The following RNF175 variants were observed in gnomAD, a reference collection of about 807,000 sequenced individuals.
The protein encoded by RNF175 is ring finger protein 175.
A neutral mutation model predicts 50.0 loss-of-function variants in RNF175; 38 were observed. The ratio of observed to expected loss-of-function variants is 0.76; its 90% confidence interval spans 0.59 to 1.00. RNF175 has a LOEUF of 1.00. Among genes scored for constraint, RNF175 ranks in the 50% least tolerant of loss-of-function variants. The pLI, the probability that RNF175 is intolerant of heterozygous loss-of-function variation, is 0.00. For missense variants in RNF175, 388 were observed against 409.6 expected (o/e 0.95, Z 0.46); for synonymous variants, 155 against 146.1 (o/e 1.06, Z -0.44).
intron 3 of RNF175, among the ~76,000 whole-genome samples, chr4:153,736,729 G>T (rs1182954875): frequency 6.6e-6 from 1 of 152,118 alleles, no homozygotes; most frequent in Non-Finnish European, 1.5e-5. Flanking sequence ...CTCCTTGTGC[G>T]AGTTTTGGTA....
chr4:153,743,868 C>T (rs1739820685), intron 3 of RNF175, among the ~76,000 whole-genome samples: 1 of 152,156 alleles, frequency 6.6e-6, no homozygotes, highest in Non-Finnish European at 1.5e-5. Flanking sequence ...CTCCAGCTAA[C>T]TAACAGAGGT....
chr4:153,731,103 A>G (rs1367885251), intron 3 of RNF175, among the ~76,000 whole-genome samples: 1 of 152,262 alleles, frequency 6.6e-6, no homozygotes, highest in East Asian at 1.9e-4. Flanking sequence ...TTTTCTCAAT[A>G]TATGAAGGGA....
intron 2 of RNF175, 44 bp from the exon 3 acceptor site, chr4:153,748,830 T>G: frequency 2.6e-6 from 4 of 1,524,454 alleles, no homozygotes; most frequent in Non-Finnish European, 3.5e-6. Context: ...CCCTCAACCT[T>G]GCGCATTTAG....
At chr4:153,754,660 G>A (rs965326295) in intron 1 of RNF175, among the ~76,000 whole-genome samples, 4 of 152,200 alleles carry the variant, frequency 2.6e-5, no homozygotes, top group African/African-American at 9.7e-5. Context: ...ATCTGGATTT[G>A]GGGCAGGTCC....
At chr4:153,754,169 C>CAAA (rs200643804) in intron 1 of RNF175, among the ~76,000 whole-genome samples, 4 of 80,046 alleles carry the variant, frequency 5.0e-5, no homozygotes, top group Non-Finnish European at 8.6e-5. Flanking sequence ...GACTCCGTCT[C>CAAA]AAAAAAAAAA....
At chr4:153,717,208 T>C (rs1737989477) in intron 6 of RNF175, among the ~76,000 whole-genome samples, 1 of 152,238 alleles carries the variant, frequency 6.6e-6, no homozygotes, top group Non-Finnish European at 1.5e-5. Context: ...GCTTTGGCCA[T>C]TGGGAGCTCT....
intron 2 of RNF175, among the ~76,000 whole-genome samples, chr4:153,751,087 G>A (rs1032811609): frequency 6.6e-6 from 1 of 152,216 alleles, no homozygotes; most frequent in African/African-American, 2.4e-5. Flanking sequence ...CACTTCATGT[G>A]GTGCTCACAG....
In RNF175 at chr4:153,720,226, G is replaced by A. The variant is rs369383332; in HGVS notation, c.588C>T (p.Asp196=). ...TGTAGTCTGAGCAGATCTCGGCAAA[G>A]TCTCTCCCCATTACTCCATAGTAGA... is the stretch of plus-strand genomic sequence containing the variant. ...YGLYYGVMGR[D]FAEICSDYMA... The change falls in exon 6 of 9, where the codon GAC becomes GAT. Residue 196 remains aspartate, a synonymous_variant. Transcript: ENST00000347063. 1.3e-5 allele frequency: 21 copies of A among 1,612,946 alleles called. No homozygotes were observed. In the African/African-American group the frequency reaches 2.1e-4, roughly 16 times the overall value.
intron 3 of RNF175, chr4:153,748,402 T>C (rs1383888799): frequency 9.9e-6 from 4 of 405,444 alleles, no homozygotes; most frequent in Non-Finnish European, 1.8e-5. Flanking sequence ...CTGGCCTCTA[T>C]CCACCAGGTG....
At chr4:153,732,827 C>A (rs1579068176) in intron 3 of RNF175, among the ~76,000 whole-genome samples, 1 of 152,158 alleles carries the variant, frequency 6.6e-6, no homozygotes, top group Non-Finnish European at 1.5e-5. Flanking sequence ...GCTTTGCCTA[C>A]ATCTATAACA....
chr4:153,716,996 C>G (rs549078443), intron 6 of RNF175, among the ~76,000 whole-genome samples: 10 of 152,202 alleles, frequency 6.6e-5, no homozygotes, highest in Admixed American at 2.0e-4. Context: ...CAAACTGACT[C>G]TAAAATGTAA....
chr4:153,720,324 A>G lies in RNF175; in HGVS notation c.510-20T>C. On this transcript the variant is annotated intron_variant, in intron 5 of 8. Coordinates refer to ENST00000347063, the MANE Select transcript of RNF175 (RefSeq NM_173662.4). Reference sequence around the variant, plus strand: ...TTGATTCTATTGAAAACAACAGTATAAGGAAATAAGAATGTGGCATATTTC... The same window carrying G: ...TTGATTCTATTGAAAACAACAGTATGAGGAAATAAGAATGTGGCATATTTC... 6.2e-7 allele frequency: 1 copy of G among 1,609,520 alleles called. No individual in the cohort carries two copies. Among genetic ancestry groups the G allele is most frequent in the Admixed American group, 1.7e-5 (1 of 59,922 alleles).
At chr4:153,756,516 C>CA (rs1740574165) in intron 1 of RNF175, among the ~76,000 whole-genome samples, 1 of 152,118 alleles carries the variant, frequency 6.6e-6, no homozygotes. Flanking sequence ...CCTGTACCTC[C>CA]AACCCACTAC....
intron 1 of RNF175, among the ~76,000 whole-genome samples, chr4:153,754,764 C>T (rs537019253): frequency 8.5e-5 from 13 of 152,116 alleles, no homozygotes; most frequent in East Asian, 1.9e-4. Flanking sequence ...AGTAGATGGC[C>T]GTGTGAAGAC....
chr4:153,749,910 C>G (rs1740197338), intron 2 of RNF175, among the ~76,000 whole-genome samples: 1 of 152,172 alleles, frequency 6.6e-6, no homozygotes, highest in Non-Finnish European at 1.5e-5. Context: ...AAATAAATTT[C>G]TGATTTTTAA....
intron 3 of RNF175, among the ~76,000 whole-genome samples, chr4:153,741,483 A>G (rs1408624270): frequency 6.6e-6 from 1 of 152,202 alleles, no homozygotes; most frequent in East Asian, 1.9e-4. Flanking sequence ...GCTTCCAGCA[A>G]TCCTTCAGAG....
At chr4:153,758,320 G>C (rs530314054) in intron 1 of RNF175, among the ~76,000 whole-genome samples, 23 of 152,330 alleles carry the variant, frequency 1.5e-4, no homozygotes, top group African/African-American at 5.5e-4. Flanking sequence ...CGTGGGAACT[G>C]AGACTGCATT....
At chr4:153,748,501 T>G in intron 3 of RNF175, 144 bp downstream of exon 3, 3 of 612,214 alleles carry the variant, frequency 4.9e-6, no homozygotes, top group South Asian at 4.0e-5. Context: ...CTCCTGGGAG[T>G]GAAATTGCAC....
intron 3 of RNF175, among the ~76,000 whole-genome samples, chr4:153,747,616 A>G (rs975437663): frequency 6.6e-6 from 1 of 152,216 alleles, no homozygotes; most frequent in Non-Finnish European, 1.5e-5. Context: ...AGTGATCGCT[A>G]AAAAGTTTCA....
Sources: gnomAD v4.1 joint callset for allele counts (sites outside exome capture counted in the v4.1 genomes callset) on GRCh38, gnomAD v4.1.1 for gene constraint, MANE v1.5 for transcripts, NCBI Gene and HGNC (gene_info 2026-07-23, HGNC 2026-07-21) for gene names.